The following RGS7 variants were observed in gnomAD, a reference collection of about 807,000 sequenced individuals.
RGS7 encodes regulator of G protein signaling 7, also known as regulator of G-protein signaling 7.
RGS7 carries 27 observed loss-of-function variants against 81.1 expected under a neutral mutation model. The observed-to-expected ratio is 0.33, with a 90% CI of 0.25 to 0.46. The LOEUF is 0.46. RGS7 is among the 20% of genes least tolerant of loss of function. The probability of loss-of-function intolerance (pLI) is 1.00; values close to 1 mark genes in which losing one functional copy is unlikely to be tolerated. For missense variants in RGS7, 396 were observed against 607.4 expected, an observed-to-expected ratio of 0.65 and a Z score of 3.66; for synonymous variants, 208 against 207.7, an observed-to-expected ratio of 1.00 and a Z score of -0.01.
In RGS7 at chr1:241,164,163, G is replaced by A. The variant is rs1318270778; in HGVS notation, c.79-65401C>T. Among the ~76,000 whole-genome samples, 5 of 152,142 alleles carry A rather than the reference G, an allele frequency of 3.3e-5. No homozygotes were observed. Among genetic ancestry groups the A allele is most frequent in the Non-Finnish European group, 7.3e-5 (5 of 68,028 alleles). On this transcript the variant is annotated intron_variant, in intron 2 of 18. Transcript: ENST00000440928. This position sits in a 1 kb window ranked among gnomAD's most constrained non-coding sequence, Gnocchi z 4.1. Reference sequence around the variant, plus strand: ...GGATACAGGTGAAGAGATGCATAGGGTGAGGTATGGAGGAAGGGTTGTGGA... The same window carrying A: ...GGATACAGGTGAAGAGATGCATAGGATGAGGTATGGAGGAAGGGTTGTGGA...
rs1396397735 is a variant in RGS7 at position 241,163,137 on chromosome 1, GC to G, written c.79-64376del. Among the ~76,000 whole-genome samples, 34 of 152,254 alleles carry G rather than the reference GC, an allele frequency of 2.2e-4. No homozygotes were observed. Among genetic ancestry groups the G allele is most frequent in the African/African-American group, 7.5e-4 (31 of 41,552 alleles). On this transcript the variant is annotated intron_variant, in intron 2 of 18. Coordinates refer to ENST00000440928, the MANE Select transcript of RGS7 (RefSeq NM_001364886.1). This position sits in a 1 kb window ranked among gnomAD's most constrained non-coding sequence, Gnocchi z 4.6. ...GCATAACCATTTGCGGCTTAACACA[GC>G]CAAAAGGTCAGAAAGGGGGTTCATT...
chr1:240,939,701 G>A (rs2148389579), intron 4 of RGS7, among the ~76,000 whole-genome samples: 1 of 152,256 alleles, frequency 6.6e-6, no homozygotes, highest in Admixed American at 6.5e-5. Flanking sequence ...GATTCCTCTG[G>A]GAGGGGTATC....
At chr1:241,297,634 C>T (rs558809506) in intron 2 of RGS7, among the ~76,000 whole-genome samples, 1 of 151,856 alleles carries the variant, frequency 6.6e-6, no homozygotes, top group South Asian at 2.1e-4. Flanking sequence ...GGAAGAATGA[C>T]ATAACGAAGC....
intron 9 of RGS7, among the ~76,000 whole-genome samples, chr1:240,847,777 T>C (rs1659365780): frequency 6.6e-6 from 1 of 152,188 alleles, no homozygotes. Context: ...AGAAGCCTAG[T>C]ACACGCCAAT....
At chr1:241,344,075 A>G (rs976557994) in intron 2 of RGS7, among the ~76,000 whole-genome samples, 7 of 152,334 alleles carry the variant, frequency 4.6e-5, no homozygotes, top group Non-Finnish European at 7.4e-5. Context: ...CCTAAATGAT[A>G]TACGGGATTT....
At position 241,082,856 on chromosome 1, in the gene RGS7, A is replaced by C. The variant is rs2063213446; in HGVS notation, c.175+15810T>G. 2.6e-5 allele frequency among the ~76,000 whole-genome samples: 4 copies of C among 152,350 alleles called. No homozygotes were observed. The South Asian group carries it at 8.3e-4, about 32-fold the overall frequency. On this transcript the variant is annotated intron_variant, in intron 3 of 18. Coordinates refer to ENST00000440928, the MANE Select transcript of RGS7 (RefSeq NM_001364886.1). Reference sequence around the variant, plus strand: ...CCAAAATATGTACAACTATGATATAAGATAAGATAAATTATTTCTCTACAA... The same window carrying C: ...CCAAAATATGTACAACTATGATATACGATAAGATAAATTATTTCTCTACAA...
intron 2 of RGS7, among the ~76,000 whole-genome samples, chr1:241,237,175 A>C (rs945380073): frequency 1.3e-5 from 2 of 152,244 alleles, no homozygotes; most frequent in Non-Finnish European, 2.9e-5. Flanking sequence ...ACTTTTTGCC[A>C]TATTACTAAA....
intron 3 of RGS7, among the ~76,000 whole-genome samples, chr1:241,042,265 G>T (rs1352900274): frequency 6.8e-6 from 1 of 146,792 alleles, no homozygotes; most frequent in Non-Finnish European, 1.5e-5. Flanking sequence ...CATATAAAAA[G>T]GGATTATAAT....
chr1:240,824,939 C>T (rs1234749810), intron 10 of RGS7, among the ~76,000 whole-genome samples: 1 of 152,076 alleles, frequency 6.6e-6, no homozygotes, highest in East Asian at 1.9e-4. Context: ...GGCAGCCATC[C>T]CCAAGCAGGA....
chr1:241,033,444 C>A lies in RGS7; in HGVS notation c.176-50315G>T, dbSNP rs116460226. Among the ~76,000 whole-genome samples, 865 of 151,240 alleles carry A rather than the reference C, an allele frequency of 5.7e-3. 9 individuals carry two copies. Among genetic ancestry groups the A allele is most frequent in the African/African-American group, 0.02 (823 of 41,164 alleles). On this transcript the variant is annotated intron_variant, in intron 3 of 18. Transcript: ENST00000440928. ...ATTCATGATGAAATTCTCATTGGTCCAAAATGAAATGAAAAATATAAAAAT... is the reference window on the plus strand; with the variant it reads ...ATTCATGATGAAATTCTCATTGGTCAAAAATGAAATGAAAAATATAAAAAT...
chr1:241,285,334 G>C (rs1250803264), intron 2 of RGS7, among the ~76,000 whole-genome samples: 1 of 152,132 alleles, frequency 6.6e-6, no homozygotes, highest in African/African-American at 2.4e-5. Flanking sequence ...GAACTCATTA[G>C]CATGTTATTC....
intron 2 of RGS7, among the ~76,000 whole-genome samples, chr1:241,204,164 GATGGA>G (rs1359115517): frequency 1.3e-5 from 2 of 152,206 alleles, no homozygotes; most frequent in Non-Finnish European, 2.9e-5. Flanking sequence ...GAGAAGGAGG[GATGGA>G]ACCATTTATG....
chr1:241,320,378 T>C (rs1034330717), intron 2 of RGS7, among the ~76,000 whole-genome samples: 4 of 152,222 alleles, frequency 2.6e-5, no homozygotes, highest in Non-Finnish European at 5.9e-5. Context: ...CAGTAAGCAC[T>C]ATCACACTAT....
intron 3 of RGS7, among the ~76,000 whole-genome samples, chr1:241,001,896 C>A (rs553995212): frequency 1.3e-5 from 2 of 152,212 alleles, no homozygotes; most frequent in Admixed American, 1.3e-4. Context: ...CAATGATAAA[C>A]CCTAATGTAT....
At chr1:241,337,529 C>G (rs1389816196) in intron 2 of RGS7, among the ~76,000 whole-genome samples, 1 of 151,462 alleles carries the variant, frequency 6.6e-6, no homozygotes, top group East Asian at 1.9e-4. Flanking sequence ...GTACACACAG[C>G]TAGGAGGATG....
At chr1:240,884,866 A>T (rs955898072) in intron 6 of RGS7, among the ~76,000 whole-genome samples, 6 of 152,194 alleles carry the variant, frequency 3.9e-5, no homozygotes, top group African/African-American at 1.4e-4. Context: ...TGACAAAGAC[A>T]CCAAAAGCAA....
At chr1:241,023,470 T>G (rs1197674011) in intron 3 of RGS7, among the ~76,000 whole-genome samples, 1 of 152,234 alleles carries the variant, frequency 6.6e-6, no homozygotes, top group Non-Finnish European at 1.5e-5. Context: ...GGGCACAGGC[T>G]TAAATTGTCC....
At chr1:240,820,749 C>T (rs1691637054) in intron 10 of RGS7, among the ~76,000 whole-genome samples, 1 of 152,140 alleles carries the variant, frequency 6.6e-6, no homozygotes, top group Admixed American at 6.5e-5. Flanking sequence ...GTGCCTTGAT[C>T]TTGGACTTCT....
At chr1:241,336,457 A>C (rs2082251241) in intron 2 of RGS7, among the ~76,000 whole-genome samples, 1 of 152,238 alleles carries the variant, frequency 6.6e-6, no homozygotes. Flanking sequence ...AAAACATAGG[A>C]ATCCAGACAG....
Sources: gnomAD v4.1 joint callset for allele counts (sites outside exome capture counted in the v4.1 genomes callset) on GRCh38, gnomAD v4.1.1 for gene constraint, Gnocchi (gnomAD v3.1) non-coding constraint, MANE v1.5 for transcripts, NCBI Gene and HGNC (gene_info 2026-07-23, HGNC 2026-07-21) for gene names.